Variants in GAB1 observed in about 807,000 individuals in gnomAD.
GAB1 encodes the protein GRB2 associated binding protein 1.
A neutral mutation model predicts 66.5 loss-of-function variants in GAB1; 19 were observed. That is an observed-to-expected ratio of 0.29 (90% CI 0.20 to 0.42). GAB1 has a LOEUF of 0.42. Among genes scored for constraint, GAB1 ranks in the 10% least tolerant of loss-of-function variants. The pLI is 1.00. For synonymous variants in GAB1, 294 were observed against 301.4 expected, an observed-to-expected ratio of 0.98 and a Z score of 0.25; for missense variants, 732 against 858.5, an observed-to-expected ratio of 0.85 and a Z score of 1.84.
intron 1 of GAB1, among the ~76,000 whole-genome samples, chr4:143,361,515 A>T (rs1422150245): frequency 6.6e-6 from 1 of 152,214 alleles, no homozygotes; most frequent in Non-Finnish European, 1.5e-5. Flanking sequence ...TAATCATAAA[A>T]GGAGTTTATT....
At chr4:143,420,826 A>G (rs1229239569) in intron 2 of GAB1, among the ~76,000 whole-genome samples, 1 of 152,106 alleles carries the variant, frequency 6.6e-6, no homozygotes, top group East Asian at 1.9e-4. Flanking sequence ...GATATAAACT[A>G]ACATGTAAGA....
chr4:143,467,325 A>G (rs1735844709), intron 9 of GAB1, among the ~76,000 whole-genome samples: 1 of 152,166 alleles, frequency 6.6e-6, no homozygotes. Flanking sequence ...TATCTTTGGT[A>G]TTCTACAGGT....
At position 143,386,679 on chromosome 4, in the gene GAB1, C is replaced by T. The variant is rs557884028; in HGVS notation, c.73-28798C>T. Among the ~76,000 whole-genome samples the T allele has an allele frequency of 7.9e-5, 12 of 152,272 alleles. No homozygotes were observed. The South Asian group carries it at 2.1e-3, about 26-fold the overall frequency. On this transcript the variant is annotated intron_variant, in intron 1 of 9. Transcript: ENST00000262994. ...CTAGGTTTACAGGCATGAGCCACTG[C>T]GCCTGGCCCAATTTTATACAATATT...
Position 143,474,306 on chromosome 4 carries a change from TC to T in GAB1, c.*5119del, listed in dbSNP as rs977829735. ...TAATGCGTCTCCTCTGATTTTGTGTTCCATGAGGTGCTTGGAACATTTGGAG... is the reference window on the plus strand; with the variant it reads ...TAATGCGTCTCCTCTGATTTTGTGTTCATGAGGTGCTTGGAACATTTGGAG... On this transcript the variant is annotated 3_prime_UTR_variant, in exon 10 of 10. Coordinates refer to ENST00000262994, the MANE Select transcript of GAB1 (RefSeq NM_002039.4). 1 of 152,168 alleles carries T rather than the reference TC, an allele frequency of 6.6e-6. No individual in the cohort carries two copies. The highest frequency in any genetic ancestry group is 2.4e-5 in the African/African-American group (1 of 41,440). 9.4% of individuals were successfully genotyped at this position (152,168 alleles called of 1,614,324 possible).
chr4:143,416,128 G>A (rs540191723), intron 2 of GAB1, among the ~76,000 whole-genome samples: 1 of 152,258 alleles, frequency 6.6e-6, no homozygotes, highest in Admixed American at 6.5e-5. Context: ...ACATTTGGCC[G>A]GGCGCGGTGG....
chr4:143,352,816 C>G (rs115747738), intron 1 of GAB1, among the ~76,000 whole-genome samples: 3 of 152,268 alleles, frequency 2.0e-5, no homozygotes, highest in African/African-American at 7.2e-5. Flanking sequence ...GAGAGAGTAA[C>G]TTTAACCTCT....
At chr4:143,398,555 A>G (rs1348967687) in intron 1 of GAB1, among the ~76,000 whole-genome samples, 1 of 152,004 alleles carries the variant, frequency 6.6e-6, no homozygotes, top group East Asian at 1.9e-4. Flanking sequence ...CACTACTTGT[A>G]TCTCCCTTTT....
chr4:143,455,183 C>T (rs1170670549), intron 6 of GAB1, among the ~76,000 whole-genome samples: 4 of 152,050 alleles, frequency 2.6e-5, no homozygotes, highest in Non-Finnish European at 5.9e-5. Context: ...AATGCAGATG[C>T]TTAAAGGGGA....
intron 2 of GAB1, among the ~76,000 whole-genome samples, chr4:143,421,561 TGTCA>T (rs1733016080): frequency 6.6e-6 from 1 of 152,124 alleles, no homozygotes; most frequent in Non-Finnish European, 1.5e-5. Flanking sequence ...TGTTTGATGT[TGTCA>T]GTCTTTAATT....
rs899522877 is a variant in GAB1 at position 143,469,311 on chromosome 4, G to A, written c.*122G>A. 107 of 1,013,490 alleles carry A rather than the reference G, an allele frequency of 1.1e-4. No individual in the cohort carries two copies. The South Asian group carries it at 1.7e-3, about 16-fold the overall frequency. 62.8% of individuals were successfully genotyped at this position (1,013,490 alleles called of 1,614,324 possible). ...TCAAATGAGTAGAGTTGAAGTCAAA[G>A]GACCTTTCTGACATAATCAAGCAAT... On this transcript the variant is annotated 3_prime_UTR_variant, in exon 10 of 10. Transcript: ENST00000262994.
intron 6 of GAB1, among the ~76,000 whole-genome samples, chr4:143,447,945 A>G (rs1229118690): frequency 6.6e-6 from 1 of 152,176 alleles, no homozygotes; most frequent in Non-Finnish European, 1.5e-5. Context: ...AGCTGTTACT[A>G]TTTTGAGATA....
intron 1 of GAB1, among the ~76,000 whole-genome samples, chr4:143,411,886 G>A (rs1331553760): frequency 6.6e-6 from 1 of 152,138 alleles, no homozygotes; most frequent in Non-Finnish European, 1.5e-5. Context: ...GATTCAATGA[G>A]GGTGACTCAT....
At chr4:143,451,267 C>T (rs1213275121) in intron 6 of GAB1, among the ~76,000 whole-genome samples, 1 of 152,108 alleles carries the variant, frequency 6.6e-6, no homozygotes, top group Non-Finnish European at 1.5e-5. Flanking sequence ...GAATAAACAA[C>T]ATGCCCAGGT....
chr4:143,371,892 C>T (rs915207881), intron 1 of GAB1, among the ~76,000 whole-genome samples: 4 of 152,158 alleles, frequency 2.6e-5, no homozygotes, highest in Non-Finnish European at 5.9e-5. Flanking sequence ...GGGCTCTGTA[C>T]AGAACTCGTT....
chr4:143,390,072 T>A (rs1731109527), intron 1 of GAB1, among the ~76,000 whole-genome samples: 1 of 152,226 alleles, frequency 6.6e-6, no homozygotes, highest in Admixed American at 6.5e-5. Context: ...CAAAGTAAGT[T>A]CATTTTGAAT....
At chr4:143,430,524 G>A (rs1280092264) in intron 2 of GAB1, among the ~76,000 whole-genome samples, 1 of 152,158 alleles carries the variant, frequency 6.6e-6, no homozygotes, top group Non-Finnish European at 1.5e-5. Flanking sequence ...AGAAAGCCAG[G>A]TGTCAGCAAA....
In GAB1 at chr4:143,472,965, C is replaced by G. The variant is rs575641476; in HGVS notation, c.*3776C>G. ...TGATATGATAGAAATCAATTGTCAG[C>G]TTGAGAAAGTTGTTTTTAATCTGTC... is the stretch of plus-strand genomic sequence containing the variant. On this transcript the variant is annotated 3_prime_UTR_variant, in exon 10 of 10. Transcript: ENST00000262994. The G allele has an allele frequency of 7.9e-5, 12 of 152,224 alleles. No homozygotes were observed. The highest frequency in any genetic ancestry group is 2.9e-4 in the African/African-American group (12 of 41,554). The allele number at this position is 152,224 out of a possible 1,614,324, so 9.4% of individuals were successfully genotyped here.
At chr4:143,437,858 T>A in intron 3 of GAB1, 141 bp from the exon 4 acceptor site, 1 of 815,154 alleles carries the variant, frequency 1.2e-6, no homozygotes, top group Non-Finnish European at 1.9e-6. Flanking sequence ...AAAGAACATT[T>A]GTGCTTTAAA....
intron 3 of GAB1, among the ~76,000 whole-genome samples, chr4:143,437,049 A>G (rs779638783): frequency 4.9e-4 from 75 of 152,194 alleles, no homozygotes; most frequent in Non-Finnish European, 8.7e-4. Context: ...AAACAAAAGC[A>G]CAATGTGGCA....
Sources: allele counts gnomAD v4.1 joint callset (sites outside exome capture counted in the v4.1 genomes callset), GRCh38; gene constraint gnomAD v4.1.1; transcripts MANE v1.5; gene names NCBI Gene and HGNC (gene_info 2026-07-23, HGNC 2026-07-21).